The following PACSIN2 variants were observed in gnomAD, a reference collection of about 807,000 sequenced individuals.
The protein encoded by PACSIN2 is protein kinase C and casein kinase substrate in neurons 2, also known as protein kinase C and casein kinase substrate in neurons protein 2.
A neutral mutation model predicts 63.8 loss-of-function variants in PACSIN2; 25 were observed. That is an observed-to-expected ratio of 0.39 (90% confidence interval 0.29 to 0.55). The LOEUF is 0.55. PACSIN2 is among the 20% of genes least tolerant of loss of function. The pLI is 0.62. For missense variants in PACSIN2, 518 were observed against 646.9 expected (o/e 0.80, Z 2.16); for synonymous variants, 255 against 256.2 (o/e 1.00, Z 0.05).
At chr22:42,918,139 T>A (rs950426204) in intron 1 of PACSIN2, among the ~76,000 whole-genome samples, 2 of 152,176 alleles carry the variant, frequency 1.3e-5, no homozygotes, top group African/African-American at 2.4e-5. Context: ...CATGACCCCA[T>A]CCTGAGTAGG....
chr22:42,923,496 C>T (rs1032953222), intron 1 of PACSIN2, among the ~76,000 whole-genome samples: 2 of 152,266 alleles, frequency 1.3e-5, no homozygotes. Context: ...GGCGTGATCT[C>T]GGCTCACTGT....
At position 42,902,576 on chromosome 22, in the gene PACSIN2, C is replaced by A. The variant is rs890295594; in HGVS notation, c.61-8963G>T. ...GCTGAGATCTCAGAGGCATGGTCAACCAAACAACTCATGATCCTTTATCTG... is the reference window on the plus strand; with the variant it reads ...GCTGAGATCTCAGAGGCATGGTCAAACAAACAACTCATGATCCTTTATCTG... On this transcript the variant is annotated intron_variant, in intron 2 of 10. Transcript: ENST00000263246. Among the ~76,000 whole-genome samples the A allele has an allele frequency of 1.2e-4, 19 of 152,302 alleles. 3 individuals are homozygous for A. The highest frequency in any genetic ancestry group is 7.2e-4 in the Admixed American group (11 of 15,302).
At chr22:42,962,123 G>A (rs1001519332) in intron 1 of PACSIN2, among the ~76,000 whole-genome samples, 4 of 151,568 alleles carry the variant, frequency 2.6e-5, no homozygotes, top group Non-Finnish European at 4.4e-5. Flanking sequence ...AACCCCGTCT[G>A]TACTAAAAAA....
intron 1 of PACSIN2, among the ~76,000 whole-genome samples, chr22:42,948,389 G>T (rs1350925971): frequency 1.3e-5 from 2 of 152,168 alleles, no homozygotes; most frequent in Non-Finnish European, 2.9e-5. Flanking sequence ...ACAAGAAGAG[G>T]TCACACCCAT....
At chr22:42,942,100 C>CT (rs11404921) in intron 1 of PACSIN2, among the ~76,000 whole-genome samples, 73,864 of 132,110 alleles carry the variant, frequency 0.56, 20,652 homozygotes, top group East Asian at 0.76. Flanking sequence ...TTTAAGAGTT[C>CT]TTTTTTTTTT....
intron 1 of PACSIN2, among the ~76,000 whole-genome samples, chr22:42,919,794 A>AAAAAG (rs1932060166): frequency 5.7e-5 from 6 of 105,282 alleles, no homozygotes; most frequent in African/African-American, 2.9e-4. Context: ...AAAAAAAAAA[A>AAAAAG]AAAGAAAGAA....
Position 42,884,395 on chromosome 22 carries a change from T to C in PACSIN2, c.776A>G (p.Asn259Ser), listed in dbSNP as rs371422883. 1.6e-4 allele frequency: 252 copies of C among 1,611,746 alleles called. No individual in the cohort carries two copies. Among genetic ancestry groups the C allele is most frequent in the Non-Finnish European group, 1.9e-4 (226 of 1,179,394 alleles). The part of the protein sequence containing the change: ...LEVQKHLDLS[N>S]VAGYKAIYHD... ...CTCAAAGGAAACTTACCCAGCCACATTGGACAGGTCTAGGTGCTTCTGAAC... is the reference window on the plus strand; with the variant it reads ...CTCAAAGGAAACTTACCCAGCCACACTGGACAGGTCTAGGTGCTTCTGAAC... The change falls in exon 6 of 11, where the codon AAT becomes AGT. Residue 259 changes from asparagine to serine, a missense_variant. By Grantham distance (46) the Asn-to-Ser change is conservative. Coordinates refer to ENST00000263246, the MANE Select transcript of PACSIN2 (RefSeq NM_001184970.3).
At chr22:43,012,241 T>C (rs1924549211) in intron 1 of PACSIN2, among the ~76,000 whole-genome samples, 1 of 148,426 alleles carries the variant, frequency 6.7e-6, no homozygotes, top group Non-Finnish European at 1.5e-5. Flanking sequence ...GGCAGGCGCC[T>C]GTAATCCCAA....
Position 43,010,398 on chromosome 22 carries a change from A to ATTTTTTT in PACSIN2, c.-78+4616_-78+4622dup, listed in dbSNP as rs1555950816. On this transcript the variant is annotated intron_variant, in intron 1 of 10. Transcript: ENST00000263246. ...TGTTTAAAAATACATATATATATAT[A>ATTTTTTT]TTTTTTTTTAATTGAAAATAAAAAA... Among the ~76,000 whole-genome samples the ATTTTTTT allele has an allele frequency of 2.7e-3, 336 of 126,410 alleles. 3 individuals carry two copies. Among genetic ancestry groups the ATTTTTTT allele is most frequent in the African/African-American group, 7.5e-3 (265 of 35,358 alleles). 82.9% of individuals were successfully genotyped at this position (126,410 alleles called of 152,430 possible). A position where few individuals can be genotyped will look rare whatever the true frequency, so the allele number is the denominator to read the frequency against.
chr22:42,927,608 A>T (rs1210048399), intron 1 of PACSIN2, among the ~76,000 whole-genome samples: 2 of 150,988 alleles, frequency 1.3e-5, no homozygotes, highest in African/African-American at 4.9e-5. Context: ...TATTTTTGAG[A>T]CTGAGTTTTG....
At chr22:42,920,276 G>A (rs568840911) in intron 1 of PACSIN2, among the ~76,000 whole-genome samples, 5 of 152,224 alleles carry the variant, frequency 3.3e-5, no homozygotes, top group South Asian at 4.1e-4. Flanking sequence ...CACTCTCACG[G>A]GCTACCCTGG....
At chr22:42,950,804 C>T (rs1347438667) in intron 1 of PACSIN2, among the ~76,000 whole-genome samples, 1 of 152,124 alleles carries the variant, frequency 6.6e-6, no homozygotes, top group Non-Finnish European at 1.5e-5. Flanking sequence ...CCTTACTTAC[C>T]GTATGCCAGG....
At chr22:42,994,054 G>C (rs1040605920) in intron 1 of PACSIN2, among the ~76,000 whole-genome samples, 2 of 152,216 alleles carry the variant, frequency 1.3e-5, no homozygotes, top group Non-Finnish European at 2.9e-5. Flanking sequence ...GTGAGCTAAA[G>C]CCGAAATCAA....
intron 1 of PACSIN2, among the ~76,000 whole-genome samples, chr22:42,913,497 A>G (rs899920745): frequency 1.3e-5 from 2 of 151,552 alleles, no homozygotes; most frequent in Non-Finnish European, 2.9e-5. Context: ...AAAAAAAAAA[A>G]AAAAAAAGAG....
chr22:42,904,723 C>T (rs977513747), intron 2 of PACSIN2, among the ~76,000 whole-genome samples: 1 of 151,544 alleles, frequency 6.6e-6, no homozygotes, highest in Non-Finnish European at 1.5e-5. Context: ...CACAGCCCCC[C>T]CATACTGCAC....
intron 5 of PACSIN2, among the ~76,000 whole-genome samples, chr22:42,887,538 T>C (rs943994994): frequency 3.9e-5 from 6 of 152,042 alleles, no homozygotes; most frequent in Non-Finnish European, 8.8e-5. Context: ...TCTACCTCAT[T>C]CCGTCTCTCT....
At chr22:42,946,025 T>C (rs1353569375) in intron 1 of PACSIN2, among the ~76,000 whole-genome samples, 1 of 152,140 alleles carries the variant, frequency 6.6e-6, no homozygotes, top group Non-Finnish European at 1.5e-5. Context: ...ATCACCTGTG[T>C]CTACCAACAC....
At chr22:42,967,493 C>G (rs552532058) in intron 1 of PACSIN2, among the ~76,000 whole-genome samples, 1 of 152,214 alleles carries the variant, frequency 6.6e-6, no homozygotes, top group Admixed American at 6.5e-5. Flanking sequence ...AATGAAAAGC[C>G]TTAAACTAAA....
chr22:42,878,264 C>G (rs989420127), intron 8 of PACSIN2, among the ~76,000 whole-genome samples: 1 of 152,244 alleles, frequency 6.6e-6, no homozygotes, highest in African/African-American at 2.4e-5. Context: ...GCCGAGCCCA[C>G]CTGCCCAGAC....
Sources: gnomAD v4.1 joint callset for allele counts (sites outside exome capture counted in the v4.1 genomes callset) on GRCh38, gnomAD v4.1.1 for gene constraint, MANE v1.5 for transcripts, NCBI Gene and HGNC (gene_info 2026-07-23, HGNC 2026-07-21) for gene names.